The following GPR26 variants were observed in gnomAD, a reference collection of about 807,000 sequenced individuals.
GPR26 encodes the protein G protein-coupled receptor 26.
In GPR26, 15 loss-of-function variants were observed where a neutral mutation model predicts 23.1. The ratio of observed to expected loss-of-function variants is 0.65; its 90% CI spans 0.43 to 1.00. The LOEUF (loss-of-function observed/expected upper bound fraction) is 1.00. GPR26 is among the 50% of genes least tolerant of loss of function. GPR26 has a pLI of 0.00. For missense variants in GPR26, 359 were observed against 470.5 expected (o/e 0.76, Z 2.19); for synonymous variants, 228 against 222.1 (o/e 1.03, Z -0.24).
intron 2 of GPR26, among the ~76,000 whole-genome samples, chr10:123,679,610 T>C (rs1327501365): frequency 7.3e-6 from 1 of 137,354 alleles, no homozygotes; most frequent in South Asian, 2.4e-4. Flanking sequence ...AACTGAGGAC[T>C]GGGGTCAGGG....
At chr10:123,685,466 G>A (rs1487731088) in intron 2 of GPR26, among the ~76,000 whole-genome samples, 3 of 152,222 alleles carry the variant, frequency 2.0e-5, no homozygotes, top group Admixed American at 2.0e-4. Context: ...AAGCAGCTCA[G>A]CCAGCCACAG....
chr10:123,682,631 GCT>G (rs1301343855), intron 2 of GPR26, among the ~76,000 whole-genome samples: 1 of 152,202 alleles, frequency 6.6e-6, no homozygotes, highest in Non-Finnish European at 1.5e-5. Flanking sequence ...GTAAGGCTAT[GCT>G]CTCCACAGCG....
At position 123,667,021 on chromosome 10, in the gene GPR26, G is replaced by T. The variant is rs776309810; in HGVS notation, c.614G>T (p.Arg205Leu). ...AAGGTGGCCCGCTTCCATTGCAAGC[G>T]CATCGACGTGATCACCATGCAGACG... is the stretch of plus-strand genomic sequence containing the variant. ...VLKVARFHCK[R>L]IDVITMQTLV... The change falls in exon 1 of 3, where the codon CGC (arginine) becomes CTC (leucine). Residue 205 changes from arginine to leucine, a missense_variant. Physicochemically the swap from Arg to Leu is moderately radical, Grantham distance 102 (BLOSUM62 -2). Transcript: ENST00000284674. 2 of 1,609,392 alleles carry T rather than the reference G, an allele frequency of 1.2e-6. No individual in the cohort carries two copies. The highest frequency in any genetic ancestry group is 1.7e-6 in the Non-Finnish European group (2 of 1,178,092).
chr10:123,681,757 A>G (rs1469021336), intron 2 of GPR26, among the ~76,000 whole-genome samples: 1 of 152,244 alleles, frequency 6.6e-6, no homozygotes, highest in African/African-American at 2.4e-5. Flanking sequence ...TTTAAAAGAA[A>G]CATTCCAGTG....
chr10:123,674,949 G>C lies in GPR26; in HGVS notation c.782+18G>C, dbSNP rs1265206341. ...ATCACCAGGTGAGCCTGATTGGCAG[G>C]TGTGTCTTGGGACTTTGAAGAGTAA... On this transcript the variant is annotated intron_variant, in intron 2 of 2. Coordinates refer to ENST00000284674, the MANE Select transcript of GPR26 (RefSeq NM_153442.4). This position sits in a 1 kb window ranked among gnomAD's most constrained non-coding sequence, Gnocchi z 4.1. 2 of 1,496,464 alleles carry C rather than the reference G, an allele frequency of 1.3e-6. No individual in the cohort carries two copies. The highest frequency in any genetic ancestry group is 4.5e-5 in the East Asian group (2 of 44,228). The allele number at this position is 1,496,464 out of a possible 1,614,324, so 92.7% of individuals were successfully genotyped here. A position where few individuals can be genotyped will look rare whatever the true frequency, so the allele number is the denominator to read the frequency against.
chr10:123,684,940 C>A (rs895669681), intron 2 of GPR26, among the ~76,000 whole-genome samples: 1 of 152,180 alleles, frequency 6.6e-6, no homozygotes, highest in African/African-American at 2.4e-5. Flanking sequence ...AGCCCAATAA[C>A]CCCTCACTGT....
chr10:123,674,685 T>C lies in GPR26; in HGVS notation c.669-133T>C. The C allele has an allele frequency of 1.7e-6, 1 of 585,432 alleles. No homozygotes were observed. Among genetic ancestry groups the C allele is most frequent in the Non-Finnish European group, 3.1e-6 (1 of 325,372 alleles). 36.3% of individuals were successfully genotyped at this position (585,432 alleles called of 1,614,324 possible). On this transcript the variant is annotated intron_variant, in intron 1 of 2. Coordinates refer to ENST00000284674, the MANE Select transcript of GPR26 (RefSeq NM_153442.4). This position sits in a 1 kb window ranked among gnomAD's most constrained non-coding sequence, Gnocchi z 4.1. ...CAAGGTCAATAGCTACAGCCAAGAG[T>C]TGACGCTGGGTCTTTCCGACTCCAT...
intron 2 of GPR26, among the ~76,000 whole-genome samples, chr10:123,684,134 G>A (rs1034903361): frequency 6.6e-6 from 1 of 152,192 alleles, no homozygotes; most frequent in African/African-American, 2.4e-5. Flanking sequence ...ACATAAGCAT[G>A]AACGTTTCCC....
rs1269170005 is a variant in GPR26 at position 123,688,278 on chromosome 10, C to T, written c.*118C>T. The stretch of plus-strand genomic sequence containing the variant: ...ACCAGTCCCTGGCATGCCCAGTGAT[C>T]CTGGTTCCCTGGCTTGTAGGGGCTC... On this transcript the variant is annotated 3_prime_UTR_variant, in exon 3 of 3. Transcript: ENST00000284674. The T allele has an allele frequency of 1.5e-6, 1 of 682,570 alleles. No homozygotes were observed. Among genetic ancestry groups the T allele is most frequent in the Non-Finnish European group, 2.5e-6 (1 of 392,180 alleles). 42.3% of individuals were successfully genotyped at this position (682,570 alleles called of 1,614,324 possible). A position where few individuals can be genotyped will look rare whatever the true frequency, so the allele number is the denominator to read the frequency against.
intron 1 of GPR26, among the ~76,000 whole-genome samples, chr10:123,671,044 G>A (rs569306791): frequency 6.6e-6 from 1 of 152,250 alleles, no homozygotes; most frequent in African/African-American, 2.4e-5. Flanking sequence ...CAAACTCAGG[G>A]CTGTTGCCCT....
Position 123,696,602 on chromosome 10 carries a change from TAA to T in GPR26, c.*8445_*8446del, listed in dbSNP as rs1383799693. Among the ~76,000 whole-genome samples, 1 of 152,188 alleles carries T rather than the reference TAA, an allele frequency of 6.6e-6. No individual in the cohort carries two copies. The highest frequency in any genetic ancestry group is 1.5e-5 in the Non-Finnish European group (1 of 68,022). ...TTTTGGAAACCAGGATTTAGAAAAA[TAA>T]AAGATATTTCTTTCCTGGGGACAAA... On this transcript the variant is annotated 3_prime_UTR_variant, in exon 3 of 3. Transcript: ENST00000284674.
At chr10:123,677,410 G>A (rs1215633701) in intron 2 of GPR26, among the ~76,000 whole-genome samples, 1 of 152,092 alleles carries the variant, frequency 6.6e-6, no homozygotes, top group Non-Finnish European at 1.5e-5. Context: ...AATATGTCTG[G>A]CAGAACCCCG....
chr10:123,674,955 C>A lies in GPR26; in HGVS notation c.782+24C>A. The A allele has an allele frequency of 6.8e-7, 1 of 1,464,308 alleles. No homozygotes were observed. The highest frequency in any genetic ancestry group is 1.4e-5 in the African/African-American group (1 of 72,238). The allele number at this position is 1,464,308 out of a possible 1,614,324, so 90.7% of individuals were successfully genotyped here. A position where few individuals can be genotyped will look rare whatever the true frequency, so the allele number is the denominator to read the frequency against. On this transcript the variant is annotated intron_variant, in intron 2 of 2. Transcript: ENST00000284674. The surrounding 1 kb of genome is among the most constrained non-coding windows in gnomAD (Gnocchi z 4.1). Reference sequence around the variant, plus strand: ...AGGTGAGCCTGATTGGCAGGTGTGTCTTGGGACTTTGAAGAGTAAGGCAGG... The same window carrying A: ...AGGTGAGCCTGATTGGCAGGTGTGTATTGGGACTTTGAAGAGTAAGGCAGG...
At chr10:123,682,936 C>G (rs1459568627) in intron 2 of GPR26, among the ~76,000 whole-genome samples, 1 of 152,156 alleles carries the variant, frequency 6.6e-6, no homozygotes, top group Non-Finnish European at 1.5e-5. Flanking sequence ...GGCTGGCTGT[C>G]CAAGGAATGT....
At chr10:123,670,183 C>T (rs1321141244) in intron 1 of GPR26, among the ~76,000 whole-genome samples, 1 of 152,204 alleles carries the variant, frequency 6.6e-6, no homozygotes, top group East Asian at 1.9e-4. Context: ...CCCAGTGTGT[C>T]CTCTGTGTCC....
intron 2 of GPR26, among the ~76,000 whole-genome samples, chr10:123,678,858 C>A (rs1039272455): frequency 1.2e-4 from 18 of 152,162 alleles, no homozygotes; most frequent in African/African-American, 3.9e-4. Flanking sequence ...ATTAATCTCA[C>A]AGTCACCTCC....
rs1402847569 is a variant in GPR26, at chr10:123,691,535, C to T, written c.*3375C>T. On this transcript the variant is annotated 3_prime_UTR_variant, in exon 3 of 3. Coordinates refer to ENST00000284674, the MANE Select transcript of GPR26 (RefSeq NM_153442.4). ...GCCTTCCCATGGCTACAGTGTGACC[C>T]TTGGAGGAACCAAAGGCTGTGCATT... 1 of 152,184 alleles carries T rather than the reference C, an allele frequency of 6.6e-6. No homozygotes were observed. The highest frequency in any genetic ancestry group is 2.4e-5 in the African/African-American group (1 of 41,428). 9.4% of individuals were successfully genotyped at this position (152,184 alleles called of 1,614,324 possible).
At position 123,690,273 on chromosome 10, in the gene GPR26, G is replaced by A. The variant is rs1396022090; in HGVS notation, c.*2113G>A. The stretch of plus-strand genomic sequence containing the variant: ...CCAAGACAGGATGCACAGCTGAATT[G>A]GAGGAGAGTAGCTCCCTTCTCACAC... On this transcript the variant is annotated 3_prime_UTR_variant, in exon 3 of 3. Transcript: ENST00000284674. 6.6e-6 allele frequency: 1 copy of A among 152,192 alleles called. No individual in the cohort carries two copies. Among genetic ancestry groups the A allele is most frequent in the Non-Finnish European group, 1.5e-5 (1 of 68,036 alleles). 9.4% of individuals were successfully genotyped at this position (152,192 alleles called of 1,614,324 possible). A position where few individuals can be genotyped will look rare whatever the true frequency, so the allele number is the denominator to read the frequency against.
intron 2 of GPR26, among the ~76,000 whole-genome samples, chr10:123,677,482 G>A (rs940880036): frequency 6.6e-6 from 1 of 152,188 alleles, no homozygotes; most frequent in African/African-American, 2.4e-5. Context: ...GTGTGGAGGT[G>A]CCATCCTAAG....
Sources: allele counts gnomAD v4.1 joint callset (sites outside exome capture counted in the v4.1 genomes callset), GRCh38; gene constraint gnomAD v4.1.1; non-coding constraint Gnocchi (gnomAD v3.1); transcripts MANE v1.5; gene names NCBI Gene and HGNC (gene_info 2026-07-23, HGNC 2026-07-21).